CNTNAP5: variants seen among roughly 807,000 people sequenced by gnomAD.
CNTNAP5 encodes the protein contactin-associated protein-like 5.
A neutral mutation model predicts 150.2 loss-of-function variants in CNTNAP5; 72 were observed. That is an observed-to-expected ratio of 0.48 (90% confidence interval 0.40 to 0.58). The LOEUF is 0.58. Among genes scored for constraint, CNTNAP5 ranks in the 20% least tolerant of loss-of-function variants. The pLI, the probability that CNTNAP5 is intolerant of heterozygous loss-of-function variation, is 0.00. For synonymous variants in CNTNAP5, 672 were observed against 619.8 expected (o/e 1.08, Z -1.25); for missense variants, 1,636 against 1,626.2 (o/e 1.01, Z -0.10).
At chr2:124,171,059 G>A (rs1439141) in intron 1 of CNTNAP5, among the ~76,000 whole-genome samples, 2 of 152,028 alleles carry the variant, frequency 1.3e-5, no homozygotes, top group Non-Finnish European at 2.9e-5. Context: ...TTTCTAAGTT[G>A]CTGAGAACTA....
chr2:124,217,688 T>C (rs747909145), intron 1 of CNTNAP5, among the ~76,000 whole-genome samples: 8 of 152,178 alleles, frequency 5.3e-5, no homozygotes, highest in Non-Finnish European at 1.2e-4. Context: ...GCAAGTTTTG[T>C]GGAAGAGAAA....
At position 124,920,848 on chromosome 2, in the gene CNTNAP5, A is replaced by C. The variant is rs1234783381; in HGVS notation, c.*6560A>C. ...GGCCCTCCTTTTCAGGGAATGAGAAAGAGTGGGGAGGGTATTTCAACAAGT... is the reference window on the plus strand; with the variant it reads ...GGCCCTCCTTTTCAGGGAATGAGAACGAGTGGGGAGGGTATTTCAACAAGT... On this transcript the variant is annotated 3_prime_UTR_variant, in exon 24 of 24. Transcript: ENST00000682447. Among the ~76,000 whole-genome samples, 1 of 152,174 alleles carries C rather than the reference A, an allele frequency of 6.6e-6. No homozygotes were observed. The highest frequency in any genetic ancestry group is 6.5e-5 in the Admixed American group (1 of 15,268).
intron 1 of CNTNAP5, among the ~76,000 whole-genome samples, chr2:124,178,238 G>A (rs1312577728): frequency 6.6e-6 from 1 of 152,114 alleles, no homozygotes; most frequent in Non-Finnish European, 1.5e-5. Flanking sequence ...TCTTTTCTCA[G>A]TGATGTATTT....
intron 3 of CNTNAP5, among the ~76,000 whole-genome samples, chr2:124,311,365 A>C (rs1688826201): frequency 6.6e-6 from 1 of 152,102 alleles, no homozygotes; most frequent in Non-Finnish European, 1.5e-5. Flanking sequence ...CCGCCTTCTC[A>C]TGGAGTCCTC....
At position 124,434,639 on chromosome 2, in the gene CNTNAP5, A is replaced by G; in HGVS notation, c.685A>G (p.Ile229Val). 1 of 1,613,812 alleles carries G rather than the reference A, an allele frequency of 6.2e-7. No individual in the cohort carries two copies. Among genetic ancestry groups the G allele is most frequent in the Non-Finnish European group, 8.5e-7 (1 of 1,179,794 alleles). ...FHGEGQRGDH[I>V]TLELQKGRLA... ...TGGAGAAGGTCAGCGTGGAGACCAC[A>G]TCACCTTGGAACTCCAGAAGGGGAG... Residue 229 changes from isoleucine (I) to valine (V), a missense_variant, in exon 5 of 24, where the codon ATC becomes GTC. Ile to Val is a conservative substitution (Grantham distance 29). Transcript: ENST00000682447.
At chr2:124,794,997 T>C (rs1182102377) in intron 18 of CNTNAP5, among the ~76,000 whole-genome samples, 1 of 152,228 alleles carries the variant, frequency 6.6e-6, no homozygotes, top group Non-Finnish European at 1.5e-5. Flanking sequence ...TTATCTAAAT[T>C]AATTACAGCT....
intron 13 of CNTNAP5, among the ~76,000 whole-genome samples, chr2:124,653,162 A>C (rs1441092386): frequency 1.3e-5 from 2 of 152,170 alleles, no homozygotes; most frequent in Non-Finnish European, 2.9e-5. Context: ...CTATTAATTC[A>C]TTCATGCAGC....
intron 8 of CNTNAP5, among the ~76,000 whole-genome samples, chr2:124,511,498 G>A (rs190690848): frequency 1.3e-5 from 2 of 152,316 alleles, no homozygotes; most frequent in Admixed American, 1.3e-4. Flanking sequence ...GCCTACCTGT[G>A]CTCTAATCAG....
intron 1 of CNTNAP5, among the ~76,000 whole-genome samples, chr2:124,160,019 T>C (rs1296773120): frequency 2.0e-5 from 3 of 152,158 alleles, no homozygotes; most frequent in East Asian, 1.9e-4. Flanking sequence ...GTATTGTCTG[T>C]GTACACCAGA....
At chr2:124,301,455 A>G (rs1688566023) in intron 3 of CNTNAP5, among the ~76,000 whole-genome samples, 1 of 152,354 alleles carries the variant, frequency 6.6e-6, no homozygotes, top group Non-Finnish European at 1.5e-5. Context: ...ATTCTTGGCT[A>G]TCCTCATATA....
intron 3 of CNTNAP5, among the ~76,000 whole-genome samples, chr2:124,290,392 T>G (rs1191310152): frequency 6.6e-6 from 1 of 152,198 alleles, no homozygotes. Context: ...ACTGCAACGC[T>G]GTTGTAAAAG....
chr2:124,082,185 T>C (rs1682572530), intron 1 of CNTNAP5, among the ~76,000 whole-genome samples: 3 of 151,796 alleles, frequency 2.0e-5, no homozygotes, highest in Admixed American at 2.0e-4. Flanking sequence ...CCGTCTCTAC[T>C]AAAAATACAA....
intron 6 of CNTNAP5, among the ~76,000 whole-genome samples, chr2:124,465,618 G>A (rs1478884276): frequency 6.6e-6 from 1 of 152,116 alleles, no homozygotes; most frequent in African/African-American, 2.4e-5. Context: ...AAATGAATCA[G>A]ATATTATCTG....
intron 7 of CNTNAP5, among the ~76,000 whole-genome samples, chr2:124,490,830 C>T (rs949044951): frequency 1.3e-5 from 2 of 151,478 alleles, no homozygotes; most frequent in South Asian, 2.1e-4. Flanking sequence ...GTTAAATAAC[C>T]CTGTATTAAA....
chr2:124,283,591 A>T (rs867525459), intron 3 of CNTNAP5, among the ~76,000 whole-genome samples: 2 of 152,214 alleles, frequency 1.3e-5, no homozygotes, highest in Non-Finnish European at 2.9e-5. Flanking sequence ...TGTCTTGGCA[A>T]TATTAAATTT....
At chr2:124,807,276 G>A (rs1682100791) in intron 19 of CNTNAP5, among the ~76,000 whole-genome samples, 1 of 152,124 alleles carries the variant, frequency 6.6e-6, no homozygotes, top group Admixed American at 6.6e-5. Flanking sequence ...TCGATGTTAA[G>A]AAATAAGGAC....
intron 1 of CNTNAP5, among the ~76,000 whole-genome samples, chr2:124,077,045 A>C (rs1005326374): frequency 1.1e-4 from 17 of 152,320 alleles, no homozygotes; most frequent in African/African-American, 4.1e-4. Flanking sequence ...TGTTACTATT[A>C]AGTGGCTGAT....
rs532452684 is a variant in CNTNAP5 at position 124,075,779 on chromosome 2, T to C, written c.82+50047T>C. Among the ~76,000 whole-genome samples the C allele has an allele frequency of 1.2e-4, 19 of 152,298 alleles. No homozygotes were observed. In the East Asian group the frequency reaches 3.7e-3, roughly 29 times the overall value. Reference sequence around the variant, plus strand: ...CTGAAAGACTTTGGAAGAAGTGATGTGACTGGCCACTGGTCATGCTGTGCA... The same window carrying C: ...CTGAAAGACTTTGGAAGAAGTGATGCGACTGGCCACTGGTCATGCTGTGCA... On this transcript the variant is annotated intron_variant, in intron 1 of 23. Transcript: ENST00000682447.
At position 124,869,856 on chromosome 2, in the gene CNTNAP5, G is replaced by C. The variant is rs530217804; in HGVS notation, c.3436+94G>C. On this transcript the variant is annotated intron_variant, in intron 21 of 23. Coordinates refer to ENST00000682447, the MANE Select transcript of CNTNAP5 (RefSeq NM_001367498.1). ...GGGTGTTTAAGGATTCAGGTCTGGA[G>C]CCTTTTGCTCCCATAATATCTGAGA... 8.0e-5 allele frequency: 57 copies of C among 715,126 alleles called. No homozygotes were observed. In the African/African-American group the frequency reaches 9.8e-4, roughly 12 times the overall value. The allele number at this position is 715,126 out of a possible 1,614,324, so 44.3% of individuals were successfully genotyped here.
Sources: gnomAD v4.1 joint callset for allele counts (sites outside exome capture counted in the v4.1 genomes callset) on GRCh38, gnomAD v4.1.1 for gene constraint, MANE v1.5 for transcripts, NCBI Gene and HGNC (gene_info 2026-07-23, HGNC 2026-07-21) for gene names.